BTBD9: variants seen among roughly 807,000 people sequenced by gnomAD.
BTBD9 encodes BTB domain containing 9, also known as BTB/POZ domain-containing protein 9.
A neutral mutation model predicts 64.3 loss-of-function variants in BTBD9; 49 were observed. That is an observed-to-expected ratio of 0.76 (90% CI 0.61 to 0.97). The LOEUF is 0.97. Ranked by LOEUF, BTBD9 falls within the 50% of genes least tolerant of loss-of-function variation. BTBD9 has a pLI of 0.00. For synonymous variants in BTBD9, 260 were observed against 274.7 expected (o/e 0.95, Z 0.53); for missense variants, 598 against 762.1 (o/e 0.78, Z 2.53).
At chr6:38,310,677 G>C (rs1762793905) in intron 7 of BTBD9, among the ~76,000 whole-genome samples, 1 of 151,940 alleles carries the variant, frequency 6.6e-6, no homozygotes, top group African/African-American at 2.4e-5. Context: ...AATTTTTGCG[G>C]GTACATAGTA....
intron 10 of BTBD9, among the ~76,000 whole-genome samples, chr6:38,183,863 C>T (rs532407176): frequency 2.6e-5 from 4 of 152,334 alleles, no homozygotes; most frequent in African/African-American, 9.6e-5. Context: ...GAATCCCACA[C>T]CAACGCTCTG....
intron 1 of BTBD9, among the ~76,000 whole-genome samples, chr6:38,633,579 C>T (rs1394673710): frequency 6.6e-6 from 1 of 152,104 alleles, no homozygotes; most frequent in Non-Finnish European, 1.5e-5. Context: ...TATTCAGATG[C>T]AAAGGCAGCC....
chr6:38,612,811 G>A (rs2127514442), intron 1 of BTBD9: 1 of 152,066 alleles, frequency 6.6e-6, no homozygotes, highest in South Asian at 2.1e-4. Flanking sequence ...TCTGTTATCA[G>A]ACACAAGAAT....
chr6:38,500,256 G>C (rs1772137036), intron 6 of BTBD9, among the ~76,000 whole-genome samples: 1 of 151,590 alleles, frequency 6.6e-6, no homozygotes, highest in Non-Finnish European at 1.5e-5. Flanking sequence ...AAAGGCAGCA[G>C]AGGGGTGGTA....
chr6:38,256,612 A>G (rs1764588436), intron 8 of BTBD9, 96 bp from the exon 9 acceptor site: 3 of 816,484 alleles, frequency 3.7e-6, no homozygotes, highest in South Asian at 3.2e-5. Context: ...TCCTTTGTTC[A>G]GCACATTTCT....
chr6:38,287,660 A>G (rs1192591896), intron 8 of BTBD9, among the ~76,000 whole-genome samples: 1 of 152,194 alleles, frequency 6.6e-6, no homozygotes, highest in African/African-American at 2.4e-5. Context: ...AGGACACTCT[A>G]TGATGTTTCC....
intron 1 of BTBD9, among the ~76,000 whole-genome samples, chr6:38,633,863 T>G (rs1257882213): frequency 6.6e-6 from 1 of 152,086 alleles, no homozygotes; most frequent in Non-Finnish European, 1.5e-5. Context: ...CTTGAATACA[T>G]AAGGCTGAAT....
At chr6:38,638,865 C>T (rs1778621126) in intron 1 of BTBD9, among the ~76,000 whole-genome samples, 1 of 152,194 alleles carries the variant, frequency 6.6e-6, no homozygotes, top group East Asian at 1.9e-4. Flanking sequence ...TAACCACAAC[C>T]CCTATACATC....
chr6:38,340,176 T>C (rs566572739), intron 7 of BTBD9, among the ~76,000 whole-genome samples: 2 of 152,314 alleles, frequency 1.3e-5, no homozygotes, highest in Non-Finnish European at 2.9e-5. Flanking sequence ...ATATAAATAA[T>C]TAAGTGTATG....
chr6:38,216,495 G>A (rs1582064407), intron 9 of BTBD9, among the ~76,000 whole-genome samples: 1 of 152,184 alleles, frequency 6.6e-6, no homozygotes, highest in Non-Finnish European at 1.5e-5. Flanking sequence ...GATCTTAGAC[G>A]TTAGAATTCC....
chr6:38,294,673 G>C (rs1291607104), intron 7 of BTBD9, among the ~76,000 whole-genome samples: 1 of 151,992 alleles, frequency 6.6e-6, no homozygotes, highest in Non-Finnish European at 1.5e-5. Context: ...TCTAGGAGAG[G>C]GATAGCATTA....
At chr6:38,450,192 T>C (rs1360593345) in intron 6 of BTBD9, among the ~76,000 whole-genome samples, 1 of 152,206 alleles carries the variant, frequency 6.6e-6, no homozygotes, top group Non-Finnish European at 1.5e-5. Flanking sequence ...ATCTCACTCA[T>C]ATGTGGAATC....
chr6:38,545,023 T>C (rs562081067), intron 6 of BTBD9, among the ~76,000 whole-genome samples: 75 of 150,482 alleles, frequency 5.0e-4, no homozygotes, highest in African/African-American at 1.6e-3. Flanking sequence ...CCAGATCATG[T>C]AGGGCACTGC....
At chr6:38,315,365 A>C (rs979825543) in intron 7 of BTBD9, among the ~76,000 whole-genome samples, 4 of 151,968 alleles carry the variant, frequency 2.6e-5, no homozygotes, top group Admixed American at 2.6e-4. Flanking sequence ...TTTAAGATAA[A>C]TCATTAGGTT....
intron 10 of BTBD9, among the ~76,000 whole-genome samples, chr6:38,186,785 T>G (rs2127479958): frequency 6.6e-6 from 1 of 152,320 alleles, no homozygotes; most frequent in South Asian, 2.1e-4. Flanking sequence ...GTAAAAGCTT[T>G]CATGTAGGTT....
intron 7 of BTBD9, among the ~76,000 whole-genome samples, chr6:38,328,608 TGTG>T (rs1207901116): frequency 2.7e-5 from 4 of 145,864 alleles, no homozygotes; most frequent in Non-Finnish European, 6.0e-5. Flanking sequence ...TGTGTGTGTG[TGTG>T]TTTTATGGCT....
chr6:38,595,836 A>T, intron 2 of BTBD9: 1 of 984,990 alleles, frequency 1.0e-6, no homozygotes, highest in Non-Finnish European at 1.2e-6. Context: ...GAGAGCATCC[A>T]ACCATTACCC....
intron 6 of BTBD9, among the ~76,000 whole-genome samples, chr6:38,442,734 A>G (rs1488511233): frequency 7.2e-6 from 1 of 139,804 alleles, no homozygotes; most frequent in Non-Finnish European, 1.5e-5. Flanking sequence ...CAATGGTGCA[A>G]TCTCGGCTTA....
chr6:38,210,263 G>A lies in BTBD9; in HGVS notation c.1563-17666C>T, dbSNP rs150619684. On this transcript the variant is annotated intron_variant, in intron 9 of 10. Transcript: ENST00000481247. ...TTACATTTTAACTATATTCGTCTTC[G>A]ATAATAGCACGAACATAATTTAGAT... Among the ~76,000 whole-genome samples the A allele has an allele frequency of 1.8e-3, 270 of 152,032 alleles. 2 individuals are homozygous for A. The highest frequency in any genetic ancestry group is 6.2e-3 in the African/African-American group (256 of 41,406).
Sources: gnomAD v4.1 joint callset for allele counts (sites outside exome capture counted in the v4.1 genomes callset) on GRCh38, gnomAD v4.1.1 for gene constraint, MANE v1.5 for transcripts, NCBI Gene and HGNC (gene_info 2026-07-23, HGNC 2026-07-21) for gene names.